UGT1A8: variants seen among roughly 807,000 people sequenced by gnomAD.
UGT1A8 encodes the protein UDP glucuronosyltransferase family 1 member A8.
A neutral mutation model predicts 45.3 loss-of-function variants in UGT1A8; 39 were observed. That is an observed-to-expected ratio of 0.86 (90% CI 0.67 to 1.12). The LOEUF (loss-of-function observed/expected upper bound fraction) is 1.12. UGT1A8 is among the 50% of genes most tolerant of loss of function. The pLI is 0.00. For synonymous variants in UGT1A8, 275 were observed against 249.2 expected, an observed-to-expected ratio of 1.10 and a Z score of -0.97; for missense variants, 719 against 664.9, an observed-to-expected ratio of 1.08 and a Z score of -0.90.
At chr2:233,688,516 G>A (rs28898573) in intron 1 of UGT1A8, among the ~76,000 whole-genome samples, 4,464 of 152,024 alleles carry the variant, frequency 0.029, 207 homozygotes, top group African/African-American at 0.1. Context: ...AGTGAAATGC[G>A]CCTAGAGTGG....
At chr2:233,698,992 T>G (rs1394299071) in intron 1 of UGT1A8, among the ~76,000 whole-genome samples, 2 of 152,230 alleles carry the variant, frequency 1.3e-5, no homozygotes, top group Non-Finnish European at 2.9e-5. Context: ...AGGTGGTGAT[T>G]CCTGCTGTAA....
intron 1 of UGT1A8, among the ~76,000 whole-genome samples, chr2:233,705,526 C>T (rs1004849017): frequency 6.6e-6 from 1 of 152,084 alleles, no homozygotes; most frequent in Admixed American, 6.6e-5. Context: ...GGGAGATTAC[C>T]TTCAGCTGTG....
intron 1 of UGT1A8, chr2:233,692,898 A>G: frequency 6.5e-7 from 1 of 1,540,188 alleles, no homozygotes; most frequent in Non-Finnish European, 8.7e-7. Context: ...GGAGAGGTAG[A>G]CAGGACCTGT....
chr2:233,646,017 A>G (rs1329878284), intron 1 of UGT1A8, among the ~76,000 whole-genome samples: 1 of 152,216 alleles, frequency 6.6e-6, no homozygotes. Flanking sequence ...GCATATCCAT[A>G]CAGCCTCTGA....
chr2:233,648,656 G>A (rs1422332939), intron 1 of UGT1A8: 2 of 269,936 alleles, frequency 7.4e-6, no homozygotes, highest in Non-Finnish European at 7.3e-6. Context: ...AGTGGAGACG[G>A]GGTTTCACCG....
intron 1 of UGT1A8, among the ~76,000 whole-genome samples, chr2:233,676,224 C>T (rs1366951476): frequency 6.6e-6 from 1 of 152,180 alleles, no homozygotes; most frequent in African/African-American, 2.4e-5. Context: ...CCGATGGATT[C>T]ATCAGAAGCA....
At chr2:233,621,384 C>T (rs1019011959) in intron 1 of UGT1A8, among the ~76,000 whole-genome samples, 6 of 152,098 alleles carry the variant, frequency 3.9e-5, no homozygotes, top group African/African-American at 7.2e-5. Context: ...ATTCGGGCTT[C>T]GTCTATACCA....
At chr2:233,636,278 C>T (rs2073287535) in intron 1 of UGT1A8, among the ~76,000 whole-genome samples, 1 of 140,682 alleles carries the variant, frequency 7.1e-6, no homozygotes, top group African/African-American at 2.8e-5. Flanking sequence ...GCGTGCTCTC[C>T]CTCCAAGGCG....
intron 1 of UGT1A8, among the ~76,000 whole-genome samples, chr2:233,662,849 G>A (rs2074002805): frequency 7.1e-6 from 1 of 141,288 alleles, no homozygotes; most frequent in South Asian, 2.2e-4. Flanking sequence ...TATGAATTTT[G>A]GACTCTGTCA....
At chr2:233,681,060 C>A (rs2074507937) in intron 1 of UGT1A8, among the ~76,000 whole-genome samples, 1 of 151,794 alleles carries the variant, frequency 6.6e-6, no homozygotes, top group Non-Finnish European at 1.5e-5. Context: ...TTGTGGCTCA[C>A]CTGTGTCACA....
chr2:233,679,059 T>G (rs1055424061), intron 1 of UGT1A8, among the ~76,000 whole-genome samples: 2 of 152,218 alleles, frequency 1.3e-5, no homozygotes, highest in Non-Finnish European at 1.5e-5. Context: ...CCAGATTCTC[T>G]TCCATAGTAT....
intron 1 of UGT1A8, among the ~76,000 whole-genome samples, chr2:233,621,319 CTT>C (rs1453367148): frequency 2.6e-5 from 4 of 152,142 alleles, no homozygotes; most frequent in African/African-American, 9.7e-5. Context: ...CTCCTAGTCT[CTT>C]TGAATTTTTG....
intron 1 of UGT1A8, among the ~76,000 whole-genome samples, chr2:233,710,997 T>G (rs1288211350): frequency 6.6e-6 from 1 of 152,218 alleles, no homozygotes; most frequent in Admixed American, 6.5e-5. Context: ...ATCAGGCTAT[T>G]GGATGCCTTT....
chr2:233,637,667 C>T lies in UGT1A8; in HGVS notation c.855+19105C>T, dbSNP rs181922328. Among the ~76,000 whole-genome samples the T allele has an allele frequency of 2.1e-3, 323 of 152,142 alleles. 1 individual carries two copies. The highest frequency in any genetic ancestry group is 3.6e-3 in the Non-Finnish European group (246 of 67,986). ...AAACCACAGCAAGAAATGAAACTTC[C>T]GTTTTTTGTTAATTCTATGTGACCC... On this transcript the variant is annotated intron_variant, in intron 1 of 4. Transcript: ENST00000373450.
intron 1 of UGT1A8, chr2:233,739,055 G>T (rs995568574): frequency 1.3e-5 from 2 of 152,274 alleles, no homozygotes; most frequent in Admixed American, 6.5e-5. Context: ...TCAGGCCATT[G>T]CTTCAGAGGG....
intron 1 of UGT1A8, chr2:233,691,336 A>G (rs2075038677): frequency 1.0e-6 from 1 of 985,408 alleles, no homozygotes; most frequent in Admixed American, 6.1e-5. Context: ...GACTGAGCTG[A>G]GTCTTCGCAT....
intron 1 of UGT1A8, among the ~76,000 whole-genome samples, chr2:233,626,688 C>A (rs2073089121): frequency 1.3e-5 from 2 of 152,024 alleles, no homozygotes; most frequent in Admixed American, 1.3e-4. Flanking sequence ...ATTCTCTTTC[C>A]TAGTATTGAC....
chr2:233,693,032 A>G (rs535145874), intron 1 of UGT1A8: 2 of 1,614,132 alleles, frequency 1.2e-6, no homozygotes, highest in Admixed American at 1.7e-5. Flanking sequence ...CTCATTTCAG[A>G]GAATTTCTGC....
At chr2:233,628,636 T>A (rs1264542764) in intron 1 of UGT1A8, among the ~76,000 whole-genome samples, 1 of 152,092 alleles carries the variant, frequency 6.6e-6, no homozygotes, top group East Asian at 1.9e-4. Context: ...GGCTGGAACC[T>A]GAAGAACAAT....
Sources: allele counts gnomAD v4.1 joint callset (sites outside exome capture counted in the v4.1 genomes callset), GRCh38; gene constraint gnomAD v4.1.1; transcripts MANE v1.5; gene names NCBI Gene and HGNC (gene_info 2026-07-23, HGNC 2026-07-21).